The following SLC24A2 variants were observed in gnomAD, a reference collection of about 807,000 sequenced individuals.
The protein encoded by SLC24A2 is solute carrier family 24 member 2, also known as sodium/potassium/calcium exchanger 2.
A neutral mutation model predicts 62.0 loss-of-function variants in SLC24A2; 36 were observed. The observed-to-expected ratio is 0.58, with a 90% CI of 0.44 to 0.77. The LOEUF is 0.77. Ranked by LOEUF, SLC24A2 falls within the 30% of genes least tolerant of loss-of-function variation. SLC24A2 has a pLI of 0.00. For missense variants in SLC24A2, 846 were observed against 817.9 expected (o/e 1.03, Z -0.42); for synonymous variants, 358 against 294.0 (o/e 1.22, Z -2.23).
chr9:19,666,017 T>C (rs950293196), intron 2 of SLC24A2, among the ~76,000 whole-genome samples: 3 of 152,066 alleles, frequency 2.0e-5, no homozygotes, highest in Non-Finnish European at 2.9e-5. Context: ...GTAAAGAGCA[T>C]ATGGTATGCA....
At chr9:19,860,941 G>A in the SLC24A2 span, among the ~76,000 whole-genome samples, 1 of 152,174 alleles carries the variant, frequency 6.6e-6, no homozygotes, top group Non-Finnish European at 1.5e-5. Context: ...AGAATACCAG[G>A]TGGACTTCTA....
intron 2 of SLC24A2, among the ~76,000 whole-genome samples, chr9:19,656,747 T>C (rs1818954238): frequency 6.6e-6 from 1 of 152,160 alleles, no homozygotes; most frequent in African/African-American, 2.4e-5. Flanking sequence ...TTCACCTCCT[T>C]CTCTTTACTC....
the SLC24A2 span, among the ~76,000 whole-genome samples, chr9:20,050,006 C>G: frequency 6.6e-6 from 1 of 152,064 alleles, no homozygotes; most frequent in Admixed American, 6.6e-5. Flanking sequence ...CAGGGAAATA[C>G]AGCTTTCAGG....
chr9:19,635,965 T>C (rs1191685203), intron 2 of SLC24A2, among the ~76,000 whole-genome samples: 2 of 152,246 alleles, frequency 1.3e-5, no homozygotes, highest in Non-Finnish European at 2.9e-5. Flanking sequence ...TACTGGTGTG[T>C]ATTTTTTGAC....
intron 8 of SLC24A2, among the ~76,000 whole-genome samples, chr9:19,535,584 T>G (rs1833924249): frequency 6.6e-6 from 1 of 152,220 alleles, no homozygotes; most frequent in Non-Finnish European, 1.5e-5. Flanking sequence ...TAGCCAATTT[T>G]CCCAGCACCA....
chr9:19,566,845 C>T (rs544980630), intron 7 of SLC24A2, among the ~76,000 whole-genome samples: 2 of 151,566 alleles, frequency 1.3e-5, no homozygotes, highest in African/African-American at 4.8e-5. Flanking sequence ...TCATTCTCAG[C>T]AAACTATCGC....
chr9:20,218,638 G>T, the SLC24A2 span, among the ~76,000 whole-genome samples: 1 of 152,154 alleles, frequency 6.6e-6, no homozygotes, highest in East Asian at 1.9e-4. Context: ...TGAAGTTCTA[G>T]TTCTGATGTT....
At chr9:20,255,926 G>T in the SLC24A2 span, among the ~76,000 whole-genome samples, 4 of 152,164 alleles carry the variant, frequency 2.6e-5, no homozygotes, top group South Asian at 2.1e-4. Context: ...TACAGACCAG[G>T]TAACTGATAA....
At chr9:19,634,480 G>C (rs746601080) in intron 2 of SLC24A2, among the ~76,000 whole-genome samples, 1 of 152,016 alleles carries the variant, frequency 6.6e-6, no homozygotes, top group African/African-American at 2.4e-5. Context: ...TAGAGATGGG[G>C]TTTCTCCATG....
chr9:19,696,823 A>G (rs930148046), intron 2 of SLC24A2, among the ~76,000 whole-genome samples: 24 of 152,280 alleles, frequency 1.6e-4, no homozygotes, highest in African/African-American at 5.5e-4. Context: ...TTTCTTTAAA[A>G]CATTTGTAAT....
At chr9:19,563,831 TCCCTCCCTC>T (rs1563968857) in intron 7 of SLC24A2, among the ~76,000 whole-genome samples, 748 of 66,406 alleles carry the variant, frequency 0.011, 17 homozygotes, top group Middle Eastern at 0.014. Context: ...CCTTCCTCCC[TCCCTCCCTC>T]CCTCCCTCCC....
chr9:19,512,243 A>AG lies in SLC24A2; in HGVS notation c.*3909dup, dbSNP rs1391532110. 18 of 152,368 alleles carry AG rather than the reference A, an allele frequency of 1.2e-4. No homozygotes were observed. In the East Asian group the frequency reaches 3.5e-3, roughly 29 times the overall value. 9.4% of individuals were successfully genotyped at this position (152,368 alleles called of 1,614,324 possible). ...AGCGAGGCAGCTGCGTTTTGCTGAA[A>AG]GGGCTCCAAACCACCTGATTCATGT... On this transcript the variant is annotated 3_prime_UTR_variant, in exon 11 of 11. Coordinates refer to ENST00000341998, the MANE Select transcript of SLC24A2 (RefSeq NM_020344.4).
chr9:20,081,816 G>T, the SLC24A2 span, among the ~76,000 whole-genome samples: 107 of 152,100 alleles, frequency 7.0e-4, 1 homozygote, highest in East Asian at 0.019. Flanking sequence ...GGGTGGGGAT[G>T]GAAAGAGAAA....
the SLC24A2 span, among the ~76,000 whole-genome samples, chr9:19,932,527 T>C: frequency 6.6e-6 from 1 of 152,236 alleles, no homozygotes; most frequent in Non-Finnish European, 1.5e-5. Context: ...TTATGGTTTA[T>C]GGAAGTTTTC....
the SLC24A2 span, among the ~76,000 whole-genome samples, chr9:19,840,354 A>C: frequency 6.6e-6 from 1 of 151,932 alleles, no homozygotes; most frequent in South Asian, 2.1e-4. Flanking sequence ...ATGAGAAATA[A>C]CAGGATTAGA....
rs1341035920 is a variant in SLC24A2 at position 19,515,750 on chromosome 9, T to C, written c.*403A>G. On this transcript the variant is annotated 3_prime_UTR_variant, in exon 11 of 11. Transcript: ENST00000341998. Reference sequence around the variant, plus strand: ...TTATTTACAGGTATGTACTAATCTATAGGTATGCAAGGAGAGGTATAGTAC... The same window carrying C: ...TTATTTACAGGTATGTACTAATCTACAGGTATGCAAGGAGAGGTATAGTAC... The C allele has an allele frequency of 2.6e-5, 6 of 235,124 alleles. No individual in the cohort carries two copies. Among genetic ancestry groups the C allele is most frequent in the South Asian group, 6.6e-5 (1 of 15,182 alleles). 14.6% of individuals were successfully genotyped at this position (235,124 alleles called of 1,614,324 possible). A position where few individuals can be genotyped will look rare whatever the true frequency, so the allele number is the denominator to read the frequency against.
the SLC24A2 span, among the ~76,000 whole-genome samples, chr9:20,210,830 G>A: frequency 2.0e-5 from 3 of 151,872 alleles, no homozygotes; most frequent in Non-Finnish European, 2.9e-5. Flanking sequence ...CACGTGAACG[G>A]TGCCAAGGGA....
chr9:20,302,538 G>A, the SLC24A2 span, among the ~76,000 whole-genome samples: 1 of 152,248 alleles, frequency 6.6e-6, no homozygotes, highest in African/African-American at 2.4e-5. Context: ...ATGTGGTGAG[G>A]TGTCTGTTGA....
chr9:20,163,419 T>C, the SLC24A2 span, among the ~76,000 whole-genome samples: 58 of 151,934 alleles, frequency 3.8e-4, no homozygotes, highest in Non-Finnish European at 1.0e-4. Context: ...GAATCCAACT[T>C]ACAAGGGACG....
Sources: gnomAD v4.1 joint callset for allele counts (sites outside exome capture counted in the v4.1 genomes callset) on GRCh38, gnomAD v4.1.1 for gene constraint, MANE v1.5 for transcripts, NCBI Gene and HGNC (gene_info 2026-07-23, HGNC 2026-07-21) for gene names.